Variants in NPIPB2 observed in about 807,000 individuals in gnomAD.
NPIPB2 encodes nuclear pore complex interacting protein family member B2.
Under a neutral mutation model 30.8 loss-of-function variants are expected in NPIPB2, and 27 were observed. That is an observed-to-expected ratio of 0.88 (90% CI 0.65 to 1.21). The LOEUF (loss-of-function observed/expected upper bound fraction) is 1.21, where lower values mean the gene tolerates loss of function less well. Ranked by LOEUF, NPIPB2 falls within the 50% of genes most tolerant of loss-of-function variation. The pLI is 0.00. For missense variants in NPIPB2, 440 were observed against 446.2 expected, an observed-to-expected ratio of 0.99 and a Z score of 0.13; for synonymous variants, 147 against 162.0, an observed-to-expected ratio of 0.91 and a Z score of 0.70.
chr16:11,942,452 T>C (rs1398455600), upstream of NPIPB2, among the ~76,000 whole-genome samples: 9 of 149,046 alleles, frequency 6.0e-5, no homozygotes, highest in Admixed American at 1.4e-4. Flanking sequence ...TGGCACAAGG[T>C]TGCATGATCT....
chr16:11,968,791 C>A lies in NPIPB2; in HGVS notation c.-584+7777G>T, dbSNP rs533989941. On this transcript the variant is annotated intron_variant, in intron 1 of 5. Transcript: ENST00000538896. ...GAACATGCTGACATGACAATCTTCT[C>A]ACTAGAGACCTCTAAACGCTTGACT... 3 of 152,280 alleles carry A rather than the reference C, an allele frequency of 2.0e-5. No individual in the cohort carries two copies. The South Asian group carries it at 6.2e-4, about 32-fold the overall frequency. The allele number at this position is 152,280 out of a possible 1,614,324, so 9.4% of individuals were successfully genotyped here. A position where few individuals can be genotyped will look rare whatever the true frequency, so the allele number is the denominator to read the frequency against.
chr16:11,976,625 TGGATCTG>T (rs2055303056), exon 1 of NPIPB2: 4 of 381,794 alleles, frequency 1.0e-5, no homozygotes, highest in Non-Finnish European at 1.8e-5. Context: ...TCCGGCGACT[TGGATCTG>T]CGCCGCGGTT....
At chr16:11,959,495 C>T (rs961122896) in intron 1 of NPIPB2, among the ~76,000 whole-genome samples, 2 of 151,756 alleles carry the variant, frequency 1.3e-5, no homozygotes, top group African/African-American at 2.4e-5. Context: ...GAGGCTGAGG[C>T]GGGAGGATTG....
At chr16:11,933,478 T>C in intron 4 of NPIPB2, 39 bp downstream of exon 4, 2 of 1,596,154 alleles carry the variant, frequency 1.3e-6, no homozygotes, top group Non-Finnish European at 1.7e-6. Context: ...GATTGGCACA[T>C]GGTTCATACA....
chr16:11,927,703 G>A (rs770785139), exon 8 of NPIPB2: 5 of 1,595,318 alleles, frequency 3.1e-6, no homozygotes, highest in South Asian at 1.1e-5. Flanking sequence ...AGGGTGGAAG[G>A]GGAGTGAGCA....
At chr16:11,939,190 C>T (rs1347758267) in intron 1 of NPIPB2, among the ~76,000 whole-genome samples, 2 of 96,968 alleles carry the variant, frequency 2.1e-5, no homozygotes, top group Non-Finnish European at 4.4e-5. Context: ...TCATTTAAAT[C>T]TCAGCATAAG....
intron 1 of NPIPB2, among the ~76,000 whole-genome samples, chr16:11,948,981 T>C (rs2055039502): frequency 6.6e-6 from 1 of 150,668 alleles, no homozygotes; most frequent in Non-Finnish European, 1.5e-5. Flanking sequence ...CTACAAAAAA[T>C]TTGAAAATTA....
chr16:11,951,460 CAA>C (rs144775580), intron 1 of NPIPB2, among the ~76,000 whole-genome samples: 1 of 49,828 alleles, frequency 2.0e-5, no homozygotes, highest in African/African-American at 8.9e-5. Context: ...AAGACTGTCT[CAA>C]AAAAAAAAAA....
Position 11,930,568 on chromosome 16 carries a change from G to C in NPIPB2, c.489-17C>G. 6.5e-7 allele frequency: 1 copy of C among 1,549,872 alleles called. No individual in the cohort carries two copies. ...CTTAGTTTCCTCAGATTAGAAGGGA[G>C]AGAAATGCACACACATGATCCACCA... is the stretch of plus-strand genomic sequence containing the variant. On this transcript the variant is annotated splice_polypyrimidine_tract_variant and intron_variant, in intron 4 of 7. Coordinates refer to ENST00000399147, the Ensembl canonical transcript of NPIPB2.
At chr16:11,962,622 A>AC (rs1188526501) in intron 1 of NPIPB2, among the ~76,000 whole-genome samples, 1 of 151,106 alleles carries the variant, frequency 6.6e-6, no homozygotes, top group Non-Finnish European at 1.5e-5. Flanking sequence ...AAAAAAAAAA[A>AC]AAAAAAACCA....
intron 1 of NPIPB2, chr16:11,966,368 TCTATTTCCAGGGGATGG>T (rs776747751): frequency 1.2e-6 from 2 of 1,601,360 alleles, no homozygotes; most frequent in Admixed American, 3.4e-5. Context: ...ATCTTTGAAA[TCTATTTCCAGGGGATGG>T]CTATTGTGAG....
chr16:11,966,624 G>C (rs1000713202), intron 1 of NPIPB2, among the ~76,000 whole-genome samples: 3 of 152,232 alleles, frequency 2.0e-5, no homozygotes, highest in Non-Finnish European at 2.9e-5. Context: ...CAGTCTCTTT[G>C]ACTAAAGTTA....
upstream of NPIPB2, among the ~76,000 whole-genome samples, chr16:11,944,470 A>C (rs1210789041): frequency 6.6e-6 from 1 of 151,756 alleles, no homozygotes; most frequent in Non-Finnish European, 1.5e-5. Flanking sequence ...CCTGGCCTTA[A>C]ATTTTTTATA....
intron 2 of NPIPB2, among the ~76,000 whole-genome samples, chr16:11,937,129 T>C (rs1246046488): frequency 1.3e-5 from 2 of 152,186 alleles, no homozygotes; most frequent in Non-Finnish European, 2.9e-5. Context: ...TGTTTTTCTT[T>C]TCCTGTTAAG....
At chr16:11,948,790 A>G (rs1361593033) in intron 1 of NPIPB2, among the ~76,000 whole-genome samples, 5 of 150,178 alleles carry the variant, frequency 3.3e-5, no homozygotes, top group African/African-American at 9.8e-5. Context: ...AAAAAAAAAA[A>G]AAAGAAAGAA....
chr16:11,951,513 A>C (rs12929852), intron 1 of NPIPB2, among the ~76,000 whole-genome samples: 22,144 of 140,224 alleles, frequency 0.16, 4,053 homozygotes, highest in African/African-American at 0.43. Flanking sequence ...TCAGAATTCA[A>C]AACAAAGTGA....
At chr16:11,965,550 G>A (rs1385641152) in intron 1 of NPIPB2, 12 of 1,264,024 alleles carry the variant, frequency 9.5e-6, no homozygotes, top group Non-Finnish European at 1.3e-5. Context: ...GCATGATGGT[G>A]AGTTTTCTTG....
intron 1 of NPIPB2, among the ~76,000 whole-genome samples, chr16:11,971,049 G>A (rs2055232488): frequency 6.6e-6 from 1 of 151,044 alleles, no homozygotes; most frequent in South Asian, 2.1e-4. Flanking sequence ...TAGAGATGGA[G>A]TTTCGCCATG....
intron 1 of NPIPB2, among the ~76,000 whole-genome samples, chr16:11,965,694 A>C (rs986528276): frequency 3.9e-5 from 6 of 152,252 alleles, no homozygotes; most frequent in Non-Finnish European, 5.9e-5. Flanking sequence ...TCTTCTAATT[A>C]AGTGATATTT....
Sources: gnomAD v4.1 joint callset for allele counts (sites outside exome capture counted in the v4.1 genomes callset) on GRCh38, gnomAD v4.1.1 for gene constraint, MANE v1.5 for transcripts, NCBI Gene and HGNC (gene_info 2026-07-23, HGNC 2026-07-21) for gene names.